The following RABGAP1L variants were observed in gnomAD, a reference collection of about 807,000 sequenced individuals.
RABGAP1L encodes the protein rab GTPase-activating protein 1-like.
In RABGAP1L, 63 loss-of-function variants were observed where a neutral mutation model predicts 137.7. The observed-to-expected ratio is 0.46, with a 90% CI of 0.37 to 0.56. RABGAP1L has a LOEUF of 0.56. RABGAP1L is among the 20% of genes least tolerant of loss of function. The pLI is 0.00. For missense variants in RABGAP1L, 1,095 were observed against 1,244.0 expected (o/e 0.88, Z 1.80); for synonymous variants, 431 against 433.7 (o/e 0.99, Z 0.08).
At chr1:174,206,142 G>A (rs1668491632) in intron 1 of RABGAP1L, among the ~76,000 whole-genome samples, 1 of 152,196 alleles carries the variant, frequency 6.6e-6, no homozygotes, top group African/African-American at 2.4e-5. Flanking sequence ...CTATTTGGCT[G>A]TGGGGTTGAC....
At chr1:174,834,439 A>AAG (rs1038004759) in intron 19 of RABGAP1L, among the ~76,000 whole-genome samples, 2 of 151,810 alleles carry the variant, frequency 1.3e-5, no homozygotes, top group African/African-American at 4.8e-5. Flanking sequence ...AAAAAAAAAA[A>AAG]AAAGTAAATT....
At chr1:174,692,058 T>G (rs568563068) in intron 15 of RABGAP1L, among the ~76,000 whole-genome samples, 5 of 152,330 alleles carry the variant, frequency 3.3e-5, no homozygotes, top group Admixed American at 6.5e-5. Context: ...ATAGTTGCAT[T>G]TGGCTGCCCC....
intron 19 of RABGAP1L, among the ~76,000 whole-genome samples, chr1:174,882,096 G>A (rs1435536952): frequency 6.6e-6 from 1 of 152,016 alleles, no homozygotes; most frequent in African/African-American, 2.4e-5. Flanking sequence ...CCTGACTTCA[G>A]TTGATCTGCC....
chr1:174,855,260 G>C (rs1649102498), intron 19 of RABGAP1L, among the ~76,000 whole-genome samples: 1 of 152,104 alleles, frequency 6.6e-6, no homozygotes, highest in African/African-American at 2.4e-5. Flanking sequence ...TAGCAAATCT[G>C]AACCAGGCAG....
At chr1:174,293,108 A>G (rs1676782364) in intron 10 of RABGAP1L, among the ~76,000 whole-genome samples, 1 of 122,114 alleles carries the variant, frequency 8.2e-6, no homozygotes, top group South Asian at 2.3e-4. Flanking sequence ...CACTAAAATT[A>G]GGATTTTTTT....
intron 13 of RABGAP1L, among the ~76,000 whole-genome samples, chr1:174,597,017 T>C (rs1669993698): frequency 6.6e-6 from 1 of 152,232 alleles, no homozygotes; most frequent in African/African-American, 2.4e-5. Flanking sequence ...GATGTTTATA[T>C]TGATTGATTT....
chr1:174,363,605 G>T (rs1237805495), intron 11 of RABGAP1L, among the ~76,000 whole-genome samples: 2 of 152,094 alleles, frequency 1.3e-5, no homozygotes, highest in African/African-American at 4.8e-5. Context: ...TGGTGACAGT[G>T]GGCATCCTTG....
At chr1:174,859,717 A>G (rs1236924583) in intron 19 of RABGAP1L, among the ~76,000 whole-genome samples, 6 of 152,064 alleles carry the variant, frequency 3.9e-5, no homozygotes, top group African/African-American at 1.4e-4. Context: ...GGAGAGGATC[A>G]GGAAAAATAA....
intron 19 of RABGAP1L, among the ~76,000 whole-genome samples, chr1:174,825,670 G>A (rs966088702): frequency 6.6e-6 from 1 of 152,194 alleles, no homozygotes; most frequent in Non-Finnish European, 1.5e-5. Flanking sequence ...ATCACTTGAG[G>A]CCAGGAGTTT....
At chr1:174,264,347 T>G (rs1210496350) in intron 7 of RABGAP1L, among the ~76,000 whole-genome samples, 1 of 152,102 alleles carries the variant, frequency 6.6e-6, no homozygotes, top group Non-Finnish European at 1.5e-5. Flanking sequence ...ATACTCTATT[T>G]TATTCCATTT....
intron 13 of RABGAP1L, among the ~76,000 whole-genome samples, chr1:174,485,952 C>T (rs752386074): frequency 4.6e-5 from 7 of 152,146 alleles, no homozygotes; most frequent in Middle Eastern, 3.4e-3. Flanking sequence ...AAATCAGCAG[C>T]GAAGCCATCA....
chr1:174,515,183 G>T (rs1662709343), intron 13 of RABGAP1L, among the ~76,000 whole-genome samples: 1 of 152,002 alleles, frequency 6.6e-6, no homozygotes, highest in African/African-American at 2.4e-5. Flanking sequence ...CTGAAATTTT[G>T]TATCCTATGA....
rs752423897 is a variant in RABGAP1L at position 174,732,629 on chromosome 1, AT to A, written c.2170-19675del. Among the ~76,000 whole-genome samples, 490 of 151,398 alleles carry A rather than the reference AT, an allele frequency of 3.2e-3. 4 individuals are homozygous for A. Among genetic ancestry groups the A allele is most frequent in the African/African-American group, 0.011 (438 of 41,308 alleles). ...AATTCAACCAAGTGTTCTCTACTCT[AT>A]TTTTTTTTAGGATAGTACAAAGGAA... is the stretch of plus-strand genomic sequence containing the variant. On this transcript the variant is annotated intron_variant, in intron 17 of 25. Transcript: ENST00000681986.
chr1:174,789,494 A>ATT (rs1687695158), intron 18 of RABGAP1L, among the ~76,000 whole-genome samples: 2 of 152,304 alleles, frequency 1.3e-5, no homozygotes, highest in African/African-American at 4.8e-5. Context: ...ATTGATATAA[A>ATT]ATAACTGCCT....
chr1:174,305,033 G>A lies in RABGAP1L; in HGVS notation c.1371G>A (p.Val457=). ...HTNAGDAIYE[V]VSLQRESDKE... ...ATGCTGGAGATGCAATATATGAGGT[G>A]GTGAGTCTACAGCGAGAGTCTGACA... The change falls in exon 11 of 26, where the codon GTG becomes GTA. Residue 457 remains valine (V), a synonymous_variant. Transcript: ENST00000681986. 1 of 1,564,554 alleles carries A rather than the reference G, an allele frequency of 6.4e-7. No individual in the cohort carries two copies. Among genetic ancestry groups the A allele is most frequent in the Admixed American group, 2.0e-5 (1 of 51,224 alleles).
At chr1:174,958,299 C>T (rs895231132) in intron 20 of RABGAP1L, 7 of 923,700 alleles carry the variant, frequency 7.6e-6, no homozygotes, top group South Asian at 3.4e-5. Context: ...TTAATACGTT[C>T]GTTAATTGTG....
At chr1:174,353,206 G>A (rs941744552) in intron 11 of RABGAP1L, among the ~76,000 whole-genome samples, 1 of 152,154 alleles carries the variant, frequency 6.6e-6, no homozygotes, top group Non-Finnish European at 1.5e-5. Flanking sequence ...GAGAGCGAGG[G>A]CCTGGAATGG....
chr1:174,489,639 GA>G (rs757111925), intron 13 of RABGAP1L, among the ~76,000 whole-genome samples: 4 of 152,096 alleles, frequency 2.6e-5, no homozygotes, highest in Non-Finnish European at 5.9e-5. Flanking sequence ...CAAGGATCTA[GA>G]ACTAGAAATA....
At chr1:174,892,367 GAAATTAGTTTCT>G (rs1207631524) in intron 19 of RABGAP1L, 1 of 363,596 alleles carries the variant, frequency 2.8e-6, no homozygotes, top group African/African-American at 2.2e-5. Context: ...GTCAGAGGGA[GAAATTAGTTTCT>G]ATTTCCAGCT....
Sources: gnomAD v4.1 joint callset for allele counts (sites outside exome capture counted in the v4.1 genomes callset) on GRCh38, gnomAD v4.1.1 for gene constraint, MANE v1.5 for transcripts, NCBI Gene and HGNC (gene_info 2026-07-23, HGNC 2026-07-21) for gene names.